The following PRKN variants were observed in gnomAD, a reference collection of about 807,000 sequenced individuals.
PRKN encodes the protein E3 ubiquitin-protein ligase parkin.
In PRKN, 56 loss-of-function variants were observed where a neutral mutation model predicts 59.5. That is an observed-to-expected ratio of 0.94 (90% CI 0.76 to 1.18). The LOEUF (loss-of-function observed/expected upper bound fraction) is 1.18. Ranked by LOEUF, PRKN falls within the 50% of genes most tolerant of loss-of-function variation. The pLI, the probability that PRKN is intolerant of heterozygous loss-of-function variation, is 0.00. For synonymous variants in PRKN, 250 were observed against 222.1 expected (o/e 1.13, Z -1.12); for missense variants, 657 against 596.4 (o/e 1.10, Z -1.06).
chr6:162,141,701 A>T (rs1781786584), intron 4 of PRKN, among the ~76,000 whole-genome samples: 1 of 152,208 alleles, frequency 6.6e-6, no homozygotes, highest in Non-Finnish European at 1.5e-5. Context: ...GAATACTGCT[A>T]TATAGTATAC....
chr6:161,977,541 G>GTTTTTT (rs1562433349), intron 5 of PRKN, among the ~76,000 whole-genome samples: 190 of 98,626 alleles, frequency 1.9e-3, no homozygotes, highest in African/African-American at 5.4e-3. Flanking sequence ...CTGTTTTTTT[G>GTTTTTT]GTTTTTTTTT....
intron 2 of PRKN, among the ~76,000 whole-genome samples, chr6:162,404,829 G>A (rs548495554): frequency 2.0e-5 from 3 of 152,292 alleles, no homozygotes; most frequent in Admixed American, 6.5e-5. Context: ...TGGGATTACA[G>A]GCGTGAGCTA....
intron 2 of PRKN, among the ~76,000 whole-genome samples, chr6:162,438,394 A>G (rs1482982755): frequency 5.9e-5 from 9 of 152,088 alleles, no homozygotes; most frequent in Admixed American, 5.9e-4. Context: ...CCTCCTTCCT[A>G]GTGTTCCAAA....
intron 4 of PRKN, among the ~76,000 whole-genome samples, chr6:162,161,295 G>A (rs1365086617): frequency 6.6e-6 from 1 of 152,146 alleles, no homozygotes; most frequent in Admixed American, 6.5e-5. Context: ...GAGATGTGGT[G>A]TCCAGCCCAG....
At position 162,437,824 on chromosome 6, in the gene PRKN, G is replaced by C. The variant is rs975990825; in HGVS notation, c.171+5486C>G. On this transcript the variant is annotated intron_variant, in intron 2 of 11. Coordinates refer to ENST00000366898, the MANE Select transcript of PRKN (RefSeq NM_004562.3). ...GGAGGTACCAGTTTGTTGAACCACA[G>C]ATCCACTGAAAGACATCAGAGTTGT... is the stretch of plus-strand genomic sequence containing the variant. Among the ~76,000 whole-genome samples the C allele has an allele frequency of 3.9e-5, 6 of 152,108 alleles. No homozygotes were observed. In the South Asian group the frequency reaches 1.2e-3, roughly 32 times the overall value.
At position 161,576,770 on chromosome 6, in the gene PRKN, G is replaced by A. The variant is rs1781144959; in HGVS notation, c.872-7354C>T. 6.6e-6 allele frequency among the ~76,000 whole-genome samples: 1 copy of A among 152,184 alleles called. No individual in the cohort carries two copies. The highest frequency in any genetic ancestry group is 1.5e-5 in the Non-Finnish European group (1 of 68,032). On this transcript the variant is annotated intron_variant, in intron 7 of 11. Transcript: ENST00000366898. The surrounding 1 kb of genome is among the most constrained non-coding windows in gnomAD (Gnocchi z 4.6). ...GCAGGGTTGGCTAACGTAAAAGTAAGTGTTCATTTCTTATTGAGACCATGA... is the reference window on the plus strand; with the variant it reads ...GCAGGGTTGGCTAACGTAAAAGTAAATGTTCATTTCTTATTGAGACCATGA...
chr6:161,789,646 A>T (rs1404875238), intron 6 of PRKN, among the ~76,000 whole-genome samples: 1 of 152,136 alleles, frequency 6.6e-6, no homozygotes, highest in Non-Finnish European at 1.5e-5. Context: ...GTTCATCTGT[A>T]ATGTACTTCA....
intron 10 of PRKN, among the ~76,000 whole-genome samples, chr6:161,367,012 A>T (rs1785231814): frequency 2.2e-5 from 2 of 92,934 alleles, no homozygotes; most frequent in Admixed American, 1.6e-4. Context: ...TTTTTTTGAG[A>T]CAGAGTGTGG....
chr6:162,714,395 G>A (rs998924690), intron 1 of PRKN, among the ~76,000 whole-genome samples: 1 of 152,158 alleles, frequency 6.6e-6, no homozygotes, highest in African/African-American at 2.4e-5. Flanking sequence ...GAGGGGCCCT[G>A]AGAGCAGGCA....
chr6:162,176,721 T>C (rs2023078), intron 4 of PRKN, among the ~76,000 whole-genome samples: 74,169 of 151,822 alleles, frequency 0.49, 19,809 homozygotes, highest in Non-Finnish European at 0.61. Context: ...CAGCAGACAG[T>C]GGAAACTGAT....
chr6:161,967,289 T>C (rs956312722), intron 6 of PRKN, among the ~76,000 whole-genome samples: 18 of 152,110 alleles, frequency 1.2e-4, no homozygotes, highest in Non-Finnish European at 1.3e-4. Flanking sequence ...AGGCGCATCA[T>C]TGCAGACTTC....
intron 7 of PRKN, among the ~76,000 whole-genome samples, chr6:161,677,162 T>C (rs1785117661): frequency 2.0e-5 from 3 of 152,206 alleles, no homozygotes; most frequent in Admixed American, 6.5e-5. Context: ...AGACCATTTC[T>C]AGGTGAGTTA....
intron 4 of PRKN, among the ~76,000 whole-genome samples, chr6:162,194,188 A>C (rs11756469): frequency 0.17 from 26,539 of 152,226 alleles, 2,919 homozygotes; most frequent in Middle Eastern, 0.26. Flanking sequence ...GTTCTTAAGA[A>C]GATGAATTCA....
intron 5 of PRKN, among the ~76,000 whole-genome samples, chr6:161,984,950 C>T (rs1781382533): frequency 6.6e-6 from 1 of 152,122 alleles, no homozygotes; most frequent in South Asian, 2.1e-4. Flanking sequence ...GAATGGCCAT[C>T]TCAGGGGAAA....
At chr6:162,049,873 C>T (rs181142706) in intron 5 of PRKN, among the ~76,000 whole-genome samples, 5 of 152,210 alleles carry the variant, frequency 3.3e-5, no homozygotes, top group South Asian at 2.1e-4. Flanking sequence ...ACGAATCGGA[C>T]GCGTCCTTCC....
In PRKN at chr6:161,399,805, A is replaced by T. The variant is rs1786942167; in HGVS notation, c.1084-12928T>A. Reference sequence around the variant, plus strand: ...TTTTGAAACCACCGTGAAAGGATACAGCCTAGAACAGTGCTGTCCAATTGA... The same window carrying T: ...TTTTGAAACCACCGTGAAAGGATACTGCCTAGAACAGTGCTGTCCAATTGA... On this transcript the variant is annotated intron_variant, in intron 9 of 11. Transcript: ENST00000366898. The surrounding 1 kb of genome is among the most constrained non-coding windows in gnomAD (Gnocchi z 4.4). Among the ~76,000 whole-genome samples, 1 of 152,162 alleles carries T rather than the reference A, an allele frequency of 6.6e-6. No individual in the cohort carries two copies. The highest frequency in any genetic ancestry group is 1.5e-5 in the Non-Finnish European group (1 of 68,034).
intron 1 of PRKN, among the ~76,000 whole-genome samples, chr6:162,563,531 T>C (rs1030792871): frequency 6.6e-6 from 1 of 152,146 alleles, no homozygotes; most frequent in Non-Finnish European, 1.5e-5. Context: ...CTAGAAAGCC[T>C]TTCTGAGAAA....
rs1018526877 is a variant in PRKN, at chr6:161,581,172, C to T, written c.872-11756G>A. Among the ~76,000 whole-genome samples the T allele has an allele frequency of 1.3e-5, 2 of 151,232 alleles. No individual in the cohort carries two copies. Among genetic ancestry groups the T allele is most frequent in the African/African-American group, 4.9e-5 (2 of 41,000 alleles). ...GTTGCAGTGAGCCGAGATTGTGCCACTGCACCAGCCTGGGCAACAGAGTGA... is the reference window on the plus strand; with the variant it reads ...GTTGCAGTGAGCCGAGATTGTGCCATTGCACCAGCCTGGGCAACAGAGTGA... On this transcript the variant is annotated intron_variant, in intron 7 of 11. Coordinates refer to ENST00000366898, the MANE Select transcript of PRKN (RefSeq NM_004562.3). This position sits in a 1 kb window ranked among gnomAD's most constrained non-coding sequence, Gnocchi z 4.5.
At position 162,235,989 on chromosome 6, in the gene PRKN, GAA is replaced by G. The variant is rs11442984; in HGVS notation, c.412+26534_412+26535del. Among the ~76,000 whole-genome samples, 14 of 131,422 alleles carry G rather than the reference GAA, an allele frequency of 1.1e-4. 1 individual carries two copies. The highest frequency in any genetic ancestry group is 4.1e-4 in the African/African-American group (14 of 34,178). The allele number at this position is 131,422 out of a possible 152,430, so 86.2% of individuals were successfully genotyped here. ...AGAAAGAAAGAAAGAAAGAAAGAAA[GAA>G]AGAAAGAAAGAAAGAAAGAAAGAAA... On this transcript the variant is annotated intron_variant, in intron 3 of 11. Coordinates refer to ENST00000366898, the MANE Select transcript of PRKN (RefSeq NM_004562.3).
Sources: gnomAD v4.1 joint callset for allele counts (sites outside exome capture counted in the v4.1 genomes callset) on GRCh38, gnomAD v4.1.1 for gene constraint, Gnocchi (gnomAD v3.1) non-coding constraint, MANE v1.5 for transcripts, NCBI Gene and HGNC (gene_info 2026-07-23, HGNC 2026-07-21) for gene names.